The following DLGAP2 variants were observed in gnomAD, a reference collection of about 807,000 sequenced individuals.
The protein encoded by DLGAP2 is disks large-associated protein 2.
A neutral mutation model predicts 100.3 loss-of-function variants in DLGAP2; 26 were observed. The observed-to-expected ratio is 0.26, with a 90% CI of 0.19 to 0.36. The LOEUF (loss-of-function observed/expected upper bound fraction) is 0.36. Ranked by LOEUF, DLGAP2 falls within the 10% of genes least tolerant of loss-of-function variation. The pLI is 1.00. For missense variants in DLGAP2, 1,858 were observed against 1,453.2 expected (o/e 1.28, Z -4.53); for synonymous variants, 886 against 630.1 (o/e 1.41, Z -6.08).
At chr8:1,190,397 C>T (rs572819316) in intron 2 of DLGAP2, among the ~76,000 whole-genome samples, 6 of 151,030 alleles carry the variant, frequency 4.0e-5, no homozygotes, top group East Asian at 2.0e-4. Context: ...GAGTCAGGGT[C>T]GGGGCATCTG....
intron 2 of DLGAP2, among the ~76,000 whole-genome samples, chr8:998,713 G>T (rs1800857445): frequency 6.6e-6 from 1 of 152,156 alleles, no homozygotes; most frequent in Non-Finnish European, 1.5e-5. Flanking sequence ...GAGAATGCCT[G>T]CCCTTTGCTC....
At chr8:1,037,360 C>T (rs1307578590) in intron 2 of DLGAP2, among the ~76,000 whole-genome samples, 1 of 152,182 alleles carries the variant, frequency 6.6e-6, no homozygotes, top group African/African-American at 2.4e-5. Flanking sequence ...GTAGAATCTG[C>T]TGTTCCGCCT....
intron 3 of DLGAP2, among the ~76,000 whole-genome samples, chr8:1,270,806 G>C (rs979260279): frequency 1.3e-5 from 2 of 150,998 alleles, no homozygotes; most frequent in Middle Eastern, 3.4e-3. Flanking sequence ...GTGTGTCTCT[G>C]TGTGTGTGTG....
At chr8:1,056,805 T>G (rs1444722095) in intron 2 of DLGAP2, among the ~76,000 whole-genome samples, 1 of 152,252 alleles carries the variant, frequency 6.6e-6, no homozygotes. Flanking sequence ...AGCACTTACA[T>G]CAGACCAGCT....
intron 6 of DLGAP2, among the ~76,000 whole-genome samples, chr8:1,582,850 G>T (rs549083197): frequency 5.3e-5 from 8 of 152,154 alleles, no homozygotes; most frequent in African/African-American, 1.7e-4. Context: ...CACCCTCCTC[G>T]GCTTCCTAAG....
At chr8:1,639,280 G>A (rs1797841557) in intron 8 of DLGAP2, among the ~76,000 whole-genome samples, 1 of 152,206 alleles carries the variant, frequency 6.6e-6, no homozygotes, top group Admixed American at 6.5e-5. Context: ...AGAAGGAGCA[G>A]TGGAAAGGTG....
chr8:1,199,608 A>G (rs1797826315), intron 2 of DLGAP2, among the ~76,000 whole-genome samples: 1 of 152,182 alleles, frequency 6.6e-6, no homozygotes, highest in South Asian at 2.1e-4. Context: ...TTCATGAGCC[A>G]AACTCATGCC....
chr8:1,288,203 GTGT>G lies in DLGAP2; in HGVS notation c.106+29321_106+29323del, dbSNP rs1274893726. On this transcript the variant is annotated intron_variant, in intron 3 of 14. Transcript: ENST00000637795. ...TAGTTTCGGTTGAGTGTGTGTGTGTGTGTGTGTGTGTGTGGTTAGGAGGGGAAC... is the reference window on the plus strand; with the variant it reads ...TAGTTTCGGTTGAGTGTGTGTGTGTGGTGTGTGTGTGGTTAGGAGGGGAAC... Among the ~76,000 whole-genome samples the G allele has an allele frequency of 2.7e-5, 4 of 146,202 alleles. No homozygotes were observed. The East Asian group carries it at 6.3e-4, about 23-fold the overall frequency.
At chr8:1,269,015 G>C (rs1184591190) in intron 3 of DLGAP2, among the ~76,000 whole-genome samples, 1 of 152,192 alleles carries the variant, frequency 6.6e-6, no homozygotes, top group Non-Finnish European at 1.5e-5. Flanking sequence ...CTTGGAGGGA[G>C]ACCAGAGACA....
chr8:1,135,740 C>T (rs1335829835), intron 2 of DLGAP2, among the ~76,000 whole-genome samples: 1 of 152,080 alleles, frequency 6.6e-6, no homozygotes, highest in Non-Finnish European at 1.5e-5. Context: ...CCTAAGCTTA[C>T]CGATGCAGAG....
intron 2 of DLGAP2, among the ~76,000 whole-genome samples, chr8:1,176,261 C>A (rs141614213): frequency 6.6e-6 from 1 of 152,116 alleles, no homozygotes; most frequent in African/African-American, 2.4e-5. Flanking sequence ...AGAATTCCCT[C>A]ATTACCACAA....
intron 2 of DLGAP2, among the ~76,000 whole-genome samples, chr8:1,064,187 G>C (rs1241540039): frequency 2.0e-5 from 3 of 152,150 alleles, no homozygotes; most frequent in Non-Finnish European, 2.9e-5. Context: ...CTCCCAATTT[G>C]CAACAATTAC....
At chr8:1,000,148 C>T (rs1032655798) in intron 2 of DLGAP2, among the ~76,000 whole-genome samples, 1 of 150,450 alleles carries the variant, frequency 6.6e-6, no homozygotes, top group African/African-American at 2.5e-5. Context: ...TTTTCTTTTG[C>T]ACTGGATTTT....
chr8:1,505,696 C>A (rs1584963109), intron 4 of DLGAP2, among the ~76,000 whole-genome samples: 1 of 152,120 alleles, frequency 6.6e-6, no homozygotes, highest in Non-Finnish European at 1.5e-5. Flanking sequence ...AGAGAAAAAC[C>A]TCACTTTTTC....
At chr8:1,622,560 T>A (rs1797373241) in intron 6 of DLGAP2, 1 of 152,216 alleles carries the variant, frequency 6.6e-6, no homozygotes, top group Non-Finnish European at 1.5e-5. Context: ...GAGAACAAGG[T>A]TGAACACCAG....
intron 1 of DLGAP2, among the ~76,000 whole-genome samples, chr8:898,458 A>G (rs765638028): frequency 2.6e-5 from 4 of 152,222 alleles, no homozygotes; most frequent in African/African-American, 9.6e-5. Flanking sequence ...GAGACGCTTC[A>G]TCCGCAGGGC....
chr8:901,596 G>T (rs1308456644), intron 1 of DLGAP2, among the ~76,000 whole-genome samples: 2 of 152,184 alleles, frequency 1.3e-5, no homozygotes, highest in Non-Finnish European at 2.9e-5. Flanking sequence ...GAAATGCCGG[G>T]TAGGGGTTCA....
At chr8:1,324,064 G>A (rs1800967053) in intron 3 of DLGAP2, among the ~76,000 whole-genome samples, 1 of 152,222 alleles carries the variant, frequency 6.6e-6, no homozygotes, top group Admixed American at 6.5e-5. Flanking sequence ...CAACCGGAAA[G>A]GCTGAAGCTA....
At chr8:1,173,506 C>G (rs543198071) in intron 2 of DLGAP2, among the ~76,000 whole-genome samples, 64 of 152,326 alleles carry the variant, frequency 4.2e-4, no homozygotes, top group African/African-American at 1.4e-3. Context: ...CAGAGGCAGG[C>G]AGGCCTCCTT....
Sources: allele counts gnomAD v4.1 joint callset (sites outside exome capture counted in the v4.1 genomes callset), GRCh38; gene constraint gnomAD v4.1.1; transcripts MANE v1.5; gene names NCBI Gene and HGNC (gene_info 2026-07-23, HGNC 2026-07-21).